RCC1: variants seen among roughly 807,000 people sequenced by gnomAD.
The protein encoded by RCC1 is regulator of chromosome condensation 1, also known as regulator of chromosome condensation.
In RCC1, 11 loss-of-function variants were observed where a neutral mutation model predicts 44.4. The ratio of observed to expected loss-of-function variants is 0.25; its 90% CI spans 0.16 to 0.41. RCC1 has a LOEUF of 0.41. Among genes scored for constraint, RCC1 ranks in the 10% least tolerant of loss-of-function variants. RCC1 has a pLI of 1.00. For missense variants in RCC1, 386 were observed against 547.1 expected (o/e 0.71, Z 2.94); for synonymous variants, 213 against 216.5 (o/e 0.98, Z 0.14).
chr1:28,534,710 C>T (rs529560990), intron 7 of RCC1, among the ~76,000 whole-genome samples: 1 of 152,094 alleles, frequency 6.6e-6, no homozygotes, highest in African/African-American at 2.4e-5. Context: ...TGAGCTCAAG[C>T]GATCTGCCCA....
chr1:28,530,160 A>C (rs1341970466), intron 5 of RCC1, among the ~76,000 whole-genome samples: 39 of 78,050 alleles, frequency 5.0e-4, no homozygotes, highest in African/African-American at 1.5e-3. Context: ...ACTGGCACAA[A>C]AAAAAAAAAA....
intron 4 of RCC1, among the ~76,000 whole-genome samples, chr1:28,524,113 C>T (rs920696362): frequency 6.6e-6 from 1 of 152,240 alleles, no homozygotes; most frequent in Non-Finnish European, 1.5e-5. Context: ...CCGTGCCCGG[C>T]CACAAAGATG....
intron 4 of RCC1, among the ~76,000 whole-genome samples, chr1:28,519,206 G>A (rs1014147531): frequency 6.6e-6 from 1 of 152,164 alleles, no homozygotes; most frequent in African/African-American, 2.4e-5. Context: ...CACGTGCAAC[G>A]GCATGAAGGT....
At chr1:28,506,708 C>T (rs77494819) in intron 1 of RCC1, 1 of 157,424 alleles carries the variant, frequency 6.4e-6, no homozygotes, top group Non-Finnish European at 1.4e-5. Flanking sequence ...TAATTGCACA[C>T]AGTTTTATTC....
Position 28,532,257 on chromosome 1 carries a change from G to A in RCC1, c.348G>A (p.Glu116=). The A allele has an allele frequency of 6.2e-7, 1 of 1,614,170 alleles. No individual in the cohort carries two copies. The highest frequency in any genetic ancestry group is 8.5e-7 in the Non-Finnish European group (1 of 1,180,024). The part of the protein sequence containing the change: ...EGSEMVPGKV[E]LQEKVVQVSA... The stretch of plus-strand genomic sequence containing the variant: ...CGGAGATGGTCCCTGGGAAAGTGGA[G>A]CTGCAAGAGAAGGTGGTACAGGTGT... The change falls in exon 7 of 13, where the codon GAG becomes GAA. Residue 116 remains glutamate, a synonymous_variant. Coordinates refer to ENST00000683442, the MANE Select transcript of RCC1 (RefSeq NM_001381865.2).
intron 4 of RCC1, chr1:28,527,186 G>T (rs555565680): frequency 1.7e-6 from 2 of 1,165,066 alleles, no homozygotes; most frequent in African/African-American, 1.5e-5. Context: ...CTCACATGCC[G>T]GGCAACTGAT....
chr1:28,536,306 T>A lies in RCC1; in HGVS notation c.862T>A (p.Ser288Thr). Residue 288 changes from serine (S) to threonine (T), a missense_variant, in exon 11 of 13, where the codon TCC (serine) becomes ACC (threonine). By Grantham distance (58) the Ser-to-Thr change is moderately conservative. Transcript: ENST00000683442. The surrounding 1 kb of genome is among the most constrained non-coding windows in gnomAD (Gnocchi z 4.9). ...ESCFIPQNLTSFKNSTKSWVG... is the reference protein window; with the variant it reads ...ESCFIPQNLTTFKNSTKSWVG... ...TTGCTTCATACCCCAGAACCTAACA[T>A]CCTTCAAGAATTCCACCAAGTCCTG... 1.9e-6 allele frequency: 3 copies of A among 1,614,038 alleles called. No homozygotes were observed. Among genetic ancestry groups the A allele is most frequent in the Non-Finnish European group, 2.5e-6 (3 of 1,179,964 alleles).
At chr1:28,507,273 C>CT in intron 1 of RCC1, 1 of 483,872 alleles carries the variant, frequency 2.1e-6, no homozygotes, top group Non-Finnish European at 4.2e-6. Flanking sequence ...AGGGTGGAAA[C>CT]TCGTTTGCTT....
intron 7 of RCC1, 128 bp downstream of exon 7, chr1:28,532,478 C>G: frequency 9.8e-7 from 1 of 1,017,410 alleles, no homozygotes; most frequent in Non-Finnish European, 1.4e-6. Flanking sequence ...ACAGGTAGAG[C>G]TGAGGCCCAG....
intron 1 of RCC1, chr1:28,507,354 T>A (rs778168179): frequency 1.9e-6 from 1 of 518,958 alleles, no homozygotes; most frequent in Non-Finnish European, 3.8e-6. Context: ...ATTTATGCGT[T>A]ACACTGATTG....
chr1:28,527,484 C>A (rs1663747742), intron 4 of RCC1, among the ~76,000 whole-genome samples: 4 of 152,116 alleles, frequency 2.6e-5, no homozygotes, highest in South Asian at 2.1e-4. Context: ...CTCAAGCGAT[C>A]CTCCTGCCTC....
intron 4 of RCC1, among the ~76,000 whole-genome samples, chr1:28,528,263 C>T (rs1009532660): frequency 2.0e-5 from 3 of 152,110 alleles, no homozygotes; most frequent in African/African-American, 7.2e-5. Flanking sequence ...CGAGACCAGC[C>T]TGGCCAAACT....
Position 28,535,967 on chromosome 1 carries a change from T to G in RCC1, c.758T>G (p.Phe253Cys). The change falls in exon 10 of 13, where the codon TTT becomes TGT. Residue 253 changes from phenylalanine to cysteine, a missense_variant. Coordinates refer to ENST00000683442, the MANE Select transcript of RCC1 (RefSeq NM_001381865.2). ...QDAFCGAYFT[F>C]AISHEGHVYG... ...GCCTTTTGTGGTGCCTATTTCACCT[T>G]TGCCATCTCCCATGAGGGCCACGTG... 1 of 1,614,144 alleles carries G rather than the reference T, an allele frequency of 6.2e-7. No homozygotes were observed. Among genetic ancestry groups the G allele is most frequent in the South Asian group, 1.1e-5 (1 of 91,080 alleles).
rs61785995 is a variant in RCC1 at position 28,536,848 on chromosome 1, G to A, written c.1039G>A (p.Val347Ile). ...CACCCTCATCTCCAGGCTGCCTGCT[G>A]TCTCCTCGGTGGCTTGTGGGGCCTC... is the stretch of plus-strand genomic sequence containing the variant. ...IPTLISRLPA[V>I]SSVACGASVG... The change falls in exon 12 of 13, where the codon GTC becomes ATC. Residue 347 changes from valine to isoleucine, a missense_variant. By Grantham distance (29) the Val-to-Ile change is conservative. Coordinates refer to ENST00000683442, the MANE Select transcript of RCC1 (RefSeq NM_001381865.2). The surrounding 1 kb of genome is among the most constrained non-coding windows in gnomAD (Gnocchi z 4.9). 1.9e-6 allele frequency: 3 copies of A among 1,614,060 alleles called. No homozygotes were observed. Among genetic ancestry groups the A allele is most frequent in the East Asian group, 2.2e-5 (1 of 44,888 alleles).
At chr1:28,530,714 G>A in intron 5 of RCC1, 1 of 1,005,030 alleles carries the variant, frequency 9.9e-7, no homozygotes, top group Non-Finnish European at 1.4e-6. Flanking sequence ...GGCTGCCCGG[G>A]GCTGCGGGTT....
In RCC1 at chr1:28,508,890, AT is replaced by A; in HGVS notation, c.-167del. ...GACATTTAATTTTAGGGTCCTTTAT[AT>A]AGAAGGGAGAGTAGGTAAACTGATT... On this transcript the variant is annotated 5_prime_UTR_variant, in exon 3 of 13. Transcript: ENST00000683442. 1 of 517,476 alleles carries A rather than the reference AT, an allele frequency of 1.9e-6. No individual in the cohort carries two copies. Among genetic ancestry groups the A allele is most frequent in the Admixed American group, 1.9e-5 (1 of 51,364 alleles). 32.1% of individuals were successfully genotyped at this position (517,476 alleles called of 1,614,324 possible).
At chr1:28,526,064 C>A (rs1410713409) in intron 4 of RCC1, among the ~76,000 whole-genome samples, 3 of 152,076 alleles carry the variant, frequency 2.0e-5, no homozygotes, top group Non-Finnish European at 4.4e-5. Flanking sequence ...GCGGGTAGAT[C>A]GCTTGAGCCC....
rs1223582775 is a variant in RCC1, at chr1:28,535,959, T to G, written c.750T>G (p.Tyr250Ter). Residue 250 changes from tyrosine to a stop codon, truncating the protein, a stop_gained, in exon 10 of 13, where the codon TAT (tyrosine) becomes TAG (stop). Coordinates refer to ENST00000683442, the MANE Select transcript of RCC1 (RefSeq NM_001381865.2). LOFTEE classifies it high-confidence loss of function. ...VRFQDAFCGAYFTFAISHEGH... is the reference protein window; with the variant it reads ...VRFQDAFCGA ...TCCAGGATGCCTTTTGTGGTGCCTATTTCACCTTTGCCATCTCCCATGAGG... is the reference window on the plus strand; with the variant it reads ...TCCAGGATGCCTTTTGTGGTGCCTAGTTCACCTTTGCCATCTCCCATGAGG... 6.2e-7 allele frequency: 1 copy of G among 1,613,966 alleles called. No individual in the cohort carries two copies. The highest frequency in any genetic ancestry group is 8.5e-7 in the Non-Finnish European group (1 of 1,180,012).
intron 9 of RCC1, 195 bp from the exon 10 acceptor site, chr1:28,535,676 T>C (rs964443922): frequency 2.6e-6 from 2 of 764,806 alleles, no homozygotes; most frequent in African/African-American, 3.4e-5. Flanking sequence ...ACGTAAATGA[T>C]ACCCGTAATG....
Sources: allele counts gnomAD v4.1 joint callset (sites outside exome capture counted in the v4.1 genomes callset), GRCh38; gene constraint gnomAD v4.1.1; non-coding constraint Gnocchi (gnomAD v3.1); transcripts MANE v1.5; gene names NCBI Gene and HGNC (gene_info 2026-07-23, HGNC 2026-07-21).